Variants in KCNH7 observed in about 807,000 individuals in gnomAD.
KCNH7 encodes potassium voltage-gated channel subfamily H member 7, also known as voltage-gated inwardly rectifying potassium channel KCNH7.
In KCNH7, 49 loss-of-function variants were observed where a neutral mutation model predicts 120.8. The observed-to-expected ratio is 0.41, with a 90% CI of 0.32 to 0.51. The LOEUF (loss-of-function observed/expected upper bound fraction) is 0.51. Ranked by LOEUF, KCNH7 falls within the 20% of genes least tolerant of loss-of-function variation. KCNH7 has a pLI of 0.38. For synonymous variants in KCNH7, 547 were observed against 516.1 expected (o/e 1.06, Z -0.81); for missense variants, 1,097 against 1,446.6 (o/e 0.76, Z 3.92).
At chr2:162,454,363 A>G (rs1325144571) in intron 6 of KCNH7, among the ~76,000 whole-genome samples, 3 of 152,134 alleles carry the variant, frequency 2.0e-5, no homozygotes, top group African/African-American at 4.8e-5. Context: ...GCCATGTAGC[A>G]TAGTTTGAAG....
rs571967971 is a variant in KCNH7 at position 162,484,919 on chromosome 2, A to G, written c.1128+19524T>C. 6.6e-5 allele frequency among the ~76,000 whole-genome samples: 10 copies of G among 152,270 alleles called. No individual in the cohort carries two copies. The South Asian group carries it at 1.4e-3, about 22-fold the overall frequency. On this transcript the variant is annotated intron_variant, in intron 6 of 15. Transcript: ENST00000332142. ...GGCCCTCACCAGATGCAGATGCCCA[A>G]TCTTGAACTTTCCAGCCATCCAGAA...
chr2:162,660,713 A>G (rs547790057), intron 2 of KCNH7, among the ~76,000 whole-genome samples: 1 of 152,302 alleles, frequency 6.6e-6, no homozygotes, highest in African/African-American at 2.4e-5. Context: ...TCAGTTTAGA[A>G]ATTAATTCAG....
chr2:162,602,885 G>A (rs1298829587), intron 2 of KCNH7, among the ~76,000 whole-genome samples: 5 of 150,668 alleles, frequency 3.3e-5, no homozygotes, highest in East Asian at 2.0e-4. Context: ...GAATTAAGAC[G>A]TAAAAATGTG....
intron 9 of KCNH7, among the ~76,000 whole-genome samples, chr2:162,411,342 C>G (rs1687387199): frequency 6.6e-6 from 1 of 152,096 alleles, no homozygotes; most frequent in South Asian, 2.1e-4. Context: ...TTACTCTAAA[C>G]AAACTAATGC....
intron 5 of KCNH7, among the ~76,000 whole-genome samples, chr2:162,511,658 TG>T (rs1390169511): frequency 6.6e-6 from 1 of 151,688 alleles, no homozygotes; most frequent in Admixed American, 6.6e-5. Context: ...CAAACATTTT[TG>T]CTCCCTAGCG....
chr2:162,694,641 G>A (rs1686226011), intron 2 of KCNH7, among the ~76,000 whole-genome samples: 1 of 152,124 alleles, frequency 6.6e-6, no homozygotes, highest in Admixed American at 6.5e-5. Context: ...AGGAATAGAG[G>A]AAAACCTTTG....
At chr2:162,613,040 T>C (rs1683022126) in intron 2 of KCNH7, among the ~76,000 whole-genome samples, 1 of 151,972 alleles carries the variant, frequency 6.6e-6, no homozygotes, top group Non-Finnish European at 1.5e-5. Context: ...AAAAATATTC[T>C]ATATAATGAC....
chr2:162,428,873 T>A (rs1687960812), intron 8 of KCNH7, among the ~76,000 whole-genome samples: 1 of 151,692 alleles, frequency 6.6e-6, no homozygotes, highest in Admixed American at 6.6e-5. Flanking sequence ...TTCTTTTTAA[T>A]TTTTTTTACT....
intron 9 of KCNH7, among the ~76,000 whole-genome samples, chr2:162,402,804 C>T (rs7600288): frequency 0.14 from 21,738 of 151,382 alleles, 4,154 homozygotes; most frequent in African/African-American, 0.42. Flanking sequence ...TGTGTGTGTG[C>T]ATGTCTGTGT....
At chr2:162,746,618 G>A (rs990155081) in intron 2 of KCNH7, among the ~76,000 whole-genome samples, 2 of 151,964 alleles carry the variant, frequency 1.3e-5, no homozygotes, top group African/African-American at 4.8e-5. Flanking sequence ...AAATCACTAA[G>A]GTTTTGAAAG....
At chr2:162,598,788 G>A (rs1383205003) in intron 2 of KCNH7, among the ~76,000 whole-genome samples, 1 of 152,074 alleles carries the variant, frequency 6.6e-6, no homozygotes, top group African/African-American at 2.4e-5. Context: ...TTTACAGAAG[G>A]AAGATTTTAT....
At chr2:162,578,865 ATAT>A (rs1290619271) in intron 2 of KCNH7, among the ~76,000 whole-genome samples, 9 of 152,036 alleles carry the variant, frequency 5.9e-5, no homozygotes, top group Admixed American at 5.2e-4. Context: ...ATTGTTACCA[ATAT>A]TATTATTATT....
intron 2 of KCNH7, among the ~76,000 whole-genome samples, chr2:162,720,332 GAGGGAGAGAGAGAAAA>G: frequency 6.7e-6 from 1 of 149,926 alleles, no homozygotes; most frequent in Non-Finnish European, 1.5e-5. Flanking sequence ...AAGAGAGAGA[GAGGGAGAGAGAGAAAA>G]AGGGAGAGAG....
At chr2:162,450,253 C>G (rs142641473) in intron 6 of KCNH7, among the ~76,000 whole-genome samples, 78 of 152,130 alleles carry the variant, frequency 5.1e-4, no homozygotes, top group Middle Eastern at 3.4e-3. Context: ...ATTATCTAAA[C>G]ACATTATCTC....
At chr2:162,442,578 G>T (rs1200764126) in intron 7 of KCNH7, among the ~76,000 whole-genome samples, 1 of 151,978 alleles carries the variant, frequency 6.6e-6, no homozygotes, top group Non-Finnish European at 1.5e-5. Flanking sequence ...ACATTTTAGG[G>T]CCGGGCACAC....
intron 7 of KCNH7, among the ~76,000 whole-genome samples, 156 bp from the exon 8 acceptor site, chr2:162,435,753 T>TA (rs901504684): frequency 1.2e-4 from 18 of 152,102 alleles, no homozygotes; most frequent in African/African-American, 4.3e-4. Flanking sequence ...CTTTTTTTTT[T>TA]ATGTGATACC....
intron 12 of KCNH7, among the ~76,000 whole-genome samples, chr2:162,392,397 T>C (rs1686770926): frequency 6.6e-6 from 1 of 151,920 alleles, no homozygotes. Flanking sequence ...GTGGGCAGTT[T>C]GTTTCAATTG....
At chr2:162,803,328 C>T (rs1008624014) in intron 2 of KCNH7, among the ~76,000 whole-genome samples, 2 of 151,668 alleles carry the variant, frequency 1.3e-5, no homozygotes, top group Non-Finnish European at 3.0e-5. Flanking sequence ...GGATTAGCTG[C>T]CAATGATAAA....
intron 12 of KCNH7, 148 bp from the exon 13 acceptor site, chr2:162,385,087 A>G: frequency 1.8e-6 from 1 of 556,604 alleles, no homozygotes; most frequent in Admixed American, 3.5e-5. Context: ...TTTTAAATTC[A>G]AGGGTTATTA....
Sources: allele counts gnomAD v4.1 joint callset (sites outside exome capture counted in the v4.1 genomes callset), GRCh38; gene constraint gnomAD v4.1.1; transcripts MANE v1.5; gene names NCBI Gene and HGNC (gene_info 2026-07-23, HGNC 2026-07-21).